Variants in PTPRZ1 observed in about 807,000 individuals in gnomAD.
PTPRZ1 encodes the protein protein tyrosine phosphatase receptor type Z1.
PTPRZ1 carries 82 observed loss-of-function variants against 214.1 expected under a neutral mutation model. The ratio of observed to expected loss-of-function variants is 0.38; its 90% CI spans 0.32 to 0.46. The LOEUF (loss-of-function observed/expected upper bound fraction) is 0.46, where lower values mean the gene tolerates loss of function less well. PTPRZ1 is among the 20% of genes least tolerant of loss of function. PTPRZ1 has a pLI of 1.00. For synonymous variants in PTPRZ1, 945 were observed against 987.9 expected (o/e 0.96, Z 0.81); for missense variants, 2,603 against 2,748.7 (o/e 0.95, Z 1.19).
At chr7:122,016,382 A>C (rs1229194402) in intron 12 of PTPRZ1, among the ~76,000 whole-genome samples, 1 of 152,040 alleles carries the variant, frequency 6.6e-6, no homozygotes, top group African/African-American at 2.4e-5. Flanking sequence ...GAGCCATCTC[A>C]AGGAGATATT....
intron 8 of PTPRZ1, among the ~76,000 whole-genome samples, chr7:121,994,796 T>G (rs1211926770): frequency 6.6e-6 from 1 of 152,170 alleles, no homozygotes; most frequent in Non-Finnish European, 1.5e-5. Flanking sequence ...TCATGTAGTA[T>G]ACACCTAAAT....
At chr7:121,927,019 T>C (rs1246091492) in intron 1 of PTPRZ1, among the ~76,000 whole-genome samples, 1 of 152,204 alleles carries the variant, frequency 6.6e-6, no homozygotes, top group African/African-American at 2.4e-5. Flanking sequence ...AATAGTAACT[T>C]ATTACCATGT....
At chr7:121,964,288 A>C (rs1366055302) in intron 2 of PTPRZ1, among the ~76,000 whole-genome samples, 1 of 152,204 alleles carries the variant, frequency 6.6e-6, no homozygotes, top group Non-Finnish European at 1.5e-5. Flanking sequence ...ATTGACTCAC[A>C]ATTCCGCAGG....
chr7:121,873,740 C>T (rs1181664604), intron 1 of PTPRZ1, among the ~76,000 whole-genome samples, 183 bp downstream of exon 1: 8 of 152,016 alleles, frequency 5.3e-5, no homozygotes, highest in African/African-American at 1.9e-4. Flanking sequence ...GGGATTTGCG[C>T]GCCCCCTCCC....
intron 1 of PTPRZ1, among the ~76,000 whole-genome samples, chr7:121,899,022 T>G (rs1463284269): frequency 6.6e-6 from 1 of 151,942 alleles, no homozygotes; most frequent in Non-Finnish European, 1.5e-5. Context: ...ATTTAAAGTA[T>G]ATTGCTATAA....
intron 29 of PTPRZ1, among the ~76,000 whole-genome samples, chr7:122,060,328 G>T (rs1792530423): frequency 6.6e-6 from 1 of 152,140 alleles, no homozygotes; most frequent in South Asian, 2.1e-4. Flanking sequence ...TATCAAGCTT[G>T]TGCTGCATGA....
rs1446679222 is a variant in PTPRZ1, at chr7:122,013,625, G to A, written c.4579G>A (p.Gly1527Ser). 4 of 1,614,204 alleles carry A rather than the reference G, an allele frequency of 2.5e-6. No homozygotes were observed. The highest frequency in any genetic ancestry group is 3.3e-5 in the Admixed American group (2 of 60,022). ...AAAAGAGGAAAATGACATTCAGACTGGTAGTGCTCTGCTTCCTCTCAGCCC... is the reference window on the plus strand; with the variant it reads ...AAAAGAGGAAAATGACATTCAGACTAGTAGTGCTCTGCTTCCTCTCAGCCC... ...DGKEENDIQT[G>S]SALLPLSPES... The change falls in exon 12 of 30, where the codon GGT becomes AGT. Residue 1527 changes from glycine (G) to serine (S), a missense_variant. Around this residue, in one of 6 missense-constraint regions of PTPRZ1, gnomAD observed 1,913 missense variants for 1,914.3 expected, o/e 1.00. Coordinates refer to ENST00000393386, the MANE Select transcript of PTPRZ1 (RefSeq NM_002851.3).
intron 8 of PTPRZ1, among the ~76,000 whole-genome samples, chr7:121,987,861 T>G (rs1797808614): frequency 6.6e-6 from 1 of 152,194 alleles, no homozygotes; most frequent in South Asian, 2.1e-4. Context: ...AAATCATGTT[T>G]TTTTGCAGCA....
intron 1 of PTPRZ1, among the ~76,000 whole-genome samples, chr7:121,903,966 TCACACACACACACA>T (rs57176542): frequency 5.2e-4 from 64 of 123,844 alleles, no homozygotes; most frequent in Non-Finnish European, 8.5e-4. Context: ...TCTTTAAATC[TCACACACACACACA>T]CACACACACA....
chr7:121,896,477 A>G (rs1368473165), intron 1 of PTPRZ1, among the ~76,000 whole-genome samples: 1 of 152,162 alleles, frequency 6.6e-6, no homozygotes, highest in Non-Finnish European at 1.5e-5. Context: ...GACACAGAAA[A>G]TTTGGTATAT....
At chr7:122,054,214 T>A (rs1792279323) in intron 26 of PTPRZ1, among the ~76,000 whole-genome samples, 176 bp downstream of exon 26, 1 of 152,170 alleles carries the variant, frequency 6.6e-6, no homozygotes, top group Non-Finnish European at 1.5e-5. Context: ...ATCTCCTAGG[T>A]CAAAGTGATG....
chr7:121,929,484 A>G (rs1467938747), intron 2 of PTPRZ1, among the ~76,000 whole-genome samples: 1 of 144,790 alleles, frequency 6.9e-6, no homozygotes, highest in East Asian at 2.0e-4. Context: ...AGAATTATTG[A>G]TATGCAATTA....
intron 23 of PTPRZ1, among the ~76,000 whole-genome samples, chr7:122,050,163 T>C (rs933526019): frequency 1.3e-5 from 2 of 151,908 alleles, no homozygotes; most frequent in African/African-American, 4.8e-5. Context: ...AAATATTGGG[T>C]TGGGCACAGT....
In PTPRZ1 at chr7:122,038,756, G is replaced by C. The variant is rs752302012; in HGVS notation, c.5369G>C (p.Gly1790Ala). 6.8e-6 allele frequency: 11 copies of C among 1,613,248 alleles called. No individual in the cohort carries two copies. In the African/African-American group the frequency reaches 1.5e-4, roughly 22 times the overall value. Residue 1790 changes from glycine (G) to alanine (A), a missense_variant and splice_region_variant, in exon 19 of 30, where the codon GGC becomes GCC. By Grantham distance (60) the Gly-to-Ala change is moderately conservative. Transcript: ENST00000393386. Reference protein sequence around the residue: ...TDYINANYVDGYNRPKAYIAA... With the variant: ...TDYINANYVDAYNRPKAYIAA... ...AACATTTGTCATTTAATTCTTCAGG[G>C]CTACAACAGACCAAAAGCTTATATT...
At chr7:121,994,289 CTTT>C (rs35332072) in intron 8 of PTPRZ1, among the ~76,000 whole-genome samples, 12 of 75,346 alleles carry the variant, frequency 1.6e-4, no homozygotes, top group East Asian at 4.8e-4. Flanking sequence ...TAATGCATTT[CTTT>C]TTTTTTTTTT....
intron 20 of PTPRZ1, 149 bp from the exon 21 acceptor site, chr7:122,040,667 T>G (rs76293414): frequency 2.5e-5 from 13 of 519,014 alleles, no homozygotes; most frequent in Admixed American, 3.9e-5. Flanking sequence ...CTACTTTCTT[T>G]CATTCATTAT....
intron 1 of PTPRZ1, among the ~76,000 whole-genome samples, chr7:121,922,328 G>A (rs903388890): frequency 6.6e-5 from 10 of 152,110 alleles, no homozygotes; most frequent in Admixed American, 2.6e-4. Flanking sequence ...ATGCCAAGGC[G>A]GGCAGATCAC....
intron 6 of PTPRZ1, among the ~76,000 whole-genome samples, chr7:121,980,235 G>T (rs1797564300): frequency 6.6e-6 from 1 of 151,970 alleles, no homozygotes; most frequent in African/African-American, 2.4e-5. Flanking sequence ...TACCTAATTA[G>T]TATTCTCAAC....
intron 2 of PTPRZ1, among the ~76,000 whole-genome samples, chr7:121,943,916 G>C (rs1796302683): frequency 1.3e-5 from 2 of 152,156 alleles, no homozygotes; most frequent in South Asian, 4.1e-4. Context: ...AGAAGAGAAA[G>C]CACATGCATG....
Sources: gnomAD v4.1 joint callset for allele counts (sites outside exome capture counted in the v4.1 genomes callset) on GRCh38, gnomAD v4.1.1 for gene constraint, gnomAD v4.1.1 regional missense constraint, MANE v1.5 for transcripts, NCBI Gene and HGNC (gene_info 2026-07-23, HGNC 2026-07-21) for gene names.